Variants in ASTN2 observed in about 807,000 individuals in gnomAD.
The protein encoded by ASTN2 is astrotactin-2.
Under a neutral mutation model 139.8 loss-of-function variants are expected in ASTN2, and 54 were observed. That is an observed-to-expected ratio of 0.39 (90% CI 0.31 to 0.48). The LOEUF (loss-of-function observed/expected upper bound fraction) is 0.48, where lower values mean the gene tolerates loss of function less well. Among genes scored for constraint, ASTN2 ranks in the 20% least tolerant of loss-of-function variants. ASTN2 has a pLI of 0.95. For missense variants in ASTN2, 1,565 were observed against 1,725.1 expected (o/e 0.91, Z 1.64); for synonymous variants, 756 against 719.5 (o/e 1.05, Z -0.81).
intron 5 of ASTN2, among the ~76,000 whole-genome samples, chr9:117,065,391 G>A (rs1432301719): frequency 6.6e-6 from 1 of 151,782 alleles, no homozygotes; most frequent in African/African-American, 2.4e-5. Flanking sequence ...CCTTTTTTTC[G>A]AGACTCAGTA....
chr9:116,427,834 C>A (rs1001696074), intron 22 of ASTN2, among the ~76,000 whole-genome samples: 1 of 151,916 alleles, frequency 6.6e-6, no homozygotes, highest in African/African-American at 2.4e-5. Flanking sequence ...CGGGCAAGTG[C>A]CCCCCCCAAG....
At chr9:116,624,844 G>A (rs760928590) in intron 17 of ASTN2, among the ~76,000 whole-genome samples, 4 of 151,770 alleles carry the variant, frequency 2.6e-5, no homozygotes, top group Admixed American at 6.6e-5. Flanking sequence ...CAAATGAAGC[G>A]GGAAAAGGCT....
intron 13 of ASTN2, among the ~76,000 whole-genome samples, chr9:116,752,409 T>C (rs1829424243): frequency 6.6e-6 from 1 of 152,172 alleles, no homozygotes; most frequent in Admixed American, 6.6e-5. Flanking sequence ...TAAGTCTAAA[T>C]GTAAAAACCT....
In ASTN2 at chr9:117,386,700, AG is replaced by A. The variant is rs1830409074; in HGVS notation, c.442+27796del. 2.0e-5 allele frequency among the ~76,000 whole-genome samples: 3 copies of A among 152,138 alleles called. No homozygotes were observed. The South Asian group carries it at 6.2e-4, about 32-fold the overall frequency. ...TCCCAGGTGAATGCCTCCCTCTCTGAGGGCAGAGTGCATGCCACTCTGGAAT... is the reference window on the plus strand; with the variant it reads ...TCCCAGGTGAATGCCTCCCTCTCTGAGGCAGAGTGCATGCCACTCTGGAAT... On this transcript the variant is annotated intron_variant, in intron 1 of 22. Transcript: ENST00000313400.
chr9:116,535,231 C>T (rs1023729254), intron 19 of ASTN2, among the ~76,000 whole-genome samples: 3 of 152,106 alleles, frequency 2.0e-5, no homozygotes, highest in East Asian at 1.9e-4. Context: ...TTCCTCCATC[C>T]CTTTATTTTG....
intron 20 of ASTN2, among the ~76,000 whole-genome samples, chr9:116,467,238 C>A (rs933719719): frequency 7.1e-6 from 1 of 140,862 alleles, no homozygotes; most frequent in African/African-American, 2.6e-5. Flanking sequence ...ACACAGCAAA[C>A]TTGAGGAAAG....
Position 117,297,618 on chromosome 9 carries a change from C to T in ASTN2, c.443-6105G>A, listed in dbSNP as rs547714035. Among the ~76,000 whole-genome samples the T allele has an allele frequency of 8.5e-5, 13 of 152,238 alleles. No homozygotes were observed. The East Asian group carries it at 1.5e-3, about 18-fold the overall frequency. Reference sequence around the variant, plus strand: ...GTTAAGGCAAACTAATGATGAGCAACGAAGTACTCCCACATTGATAACAGC... The same window carrying T: ...GTTAAGGCAAACTAATGATGAGCAATGAAGTACTCCCACATTGATAACAGC... On this transcript the variant is annotated intron_variant, in intron 1 of 22. Coordinates refer to ENST00000313400, the MANE Select transcript of ASTN2 (RefSeq NM_001365068.1).
At chr9:117,296,277 C>CAAAAAAAAAAAAAAAAAAAAAA (rs5900277) in intron 1 of ASTN2, among the ~76,000 whole-genome samples, 1 of 71,010 alleles carries the variant, frequency 1.4e-5, no homozygotes, top group Non-Finnish European at 2.4e-5. Context: ...GACTGCATCT[C>CAAAAAAAAAAAAAAAAAAAAAA]AAAAAAAAAA....
chr9:117,236,218 A>G (rs1246203132), intron 2 of ASTN2, among the ~76,000 whole-genome samples: 1 of 152,232 alleles, frequency 6.6e-6, no homozygotes, highest in African/African-American at 2.4e-5. Flanking sequence ...ACTGCCTTCC[A>G]TCATTACCAA....
chr9:116,721,874 A>T (rs1352206865), intron 16 of ASTN2, among the ~76,000 whole-genome samples: 1 of 152,194 alleles, frequency 6.6e-6, no homozygotes, highest in East Asian at 1.9e-4. Flanking sequence ...CTGTTATTCT[A>T]GCTTTTATTT....
At chr9:117,083,921 G>C (rs1280634297) in intron 5 of ASTN2, among the ~76,000 whole-genome samples, 1 of 151,986 alleles carries the variant, frequency 6.6e-6, no homozygotes, top group African/African-American at 2.4e-5. Context: ...TGGGCTGGAG[G>C]AGGGAGTTTT....
chr9:116,872,008 A>G (rs368246140), intron 10 of ASTN2, among the ~76,000 whole-genome samples: 1 of 152,268 alleles, frequency 6.6e-6, no homozygotes, highest in East Asian at 1.9e-4. Flanking sequence ...TCTCTCACCC[A>G]GGCTGGAGTG....
intron 1 of ASTN2, among the ~76,000 whole-genome samples, chr9:117,326,886 C>G (rs1828535399): frequency 6.6e-6 from 1 of 152,130 alleles, no homozygotes; most frequent in South Asian, 2.1e-4. Context: ...GAAGGATAAA[C>G]ATTTTACCAG....
In ASTN2 at chr9:117,231,333, C is replaced by T. The variant is rs541765299; in HGVS notation, c.631-16591G>A. Among the ~76,000 whole-genome samples the T allele has an allele frequency of 2.6e-5, 4 of 152,290 alleles. No individual in the cohort carries two copies. In the South Asian group the frequency reaches 8.3e-4, roughly 32 times the overall value. On this transcript the variant is annotated intron_variant, in intron 2 of 22. Transcript: ENST00000313400. ...TATATTTGCCTACATACCTGCCATC[C>T]CTGACTAGTCCTTCTTATTTGTGTA...
At chr9:116,430,185 C>T (rs958400745) in intron 22 of ASTN2, among the ~76,000 whole-genome samples, 2 of 152,192 alleles carry the variant, frequency 1.3e-5, no homozygotes, top group African/African-American at 2.4e-5. Flanking sequence ...GACAATTCTT[C>T]CAACATGCCC....
chr9:116,487,614 G>T, intron 19 of ASTN2, 114 bp from the exon 20 acceptor site: 1 of 1,034,056 alleles, frequency 9.7e-7, no homozygotes, highest in Non-Finnish European at 1.3e-6. Flanking sequence ...AAAAATAATG[G>T]ATAGAAAAAG....
intron 1 of ASTN2, among the ~76,000 whole-genome samples, chr9:117,399,513 T>G (rs963578656): frequency 6.6e-6 from 1 of 152,222 alleles, no homozygotes. Flanking sequence ...ACATGAGTGT[T>G]TTAACTTCGA....
At chr9:117,047,899 C>T (rs181981340) in intron 5 of ASTN2, among the ~76,000 whole-genome samples, 1 of 152,078 alleles carries the variant, frequency 6.6e-6, no homozygotes, top group Non-Finnish European at 1.5e-5. Flanking sequence ...AACATAGCCA[C>T]TAACTTAGGT....
rs562970615 is a variant in ASTN2, at chr9:116,512,516, G to A, written c.3356-25016C>T. On this transcript the variant is annotated intron_variant, in intron 19 of 22. Coordinates refer to ENST00000313400, the MANE Select transcript of ASTN2 (RefSeq NM_001365068.1). Reference sequence around the variant, plus strand: ...GGAGAGTTCTGTAGATGTCTATTAGGTCCGCTTGGTGTAGAGTTGAGTTCA... The same window carrying A: ...GGAGAGTTCTGTAGATGTCTATTAGATCCGCTTGGTGTAGAGTTGAGTTCA... Among the ~76,000 whole-genome samples the A allele has an allele frequency of 2.6e-5, 4 of 152,258 alleles. No individual in the cohort carries two copies. The South Asian group carries it at 8.3e-4, about 32-fold the overall frequency.
Sources: gnomAD v4.1 joint callset for allele counts (sites outside exome capture counted in the v4.1 genomes callset) on GRCh38, gnomAD v4.1.1 for gene constraint, MANE v1.5 for transcripts, NCBI Gene and HGNC (gene_info 2026-07-23, HGNC 2026-07-21) for gene names.